UAP1: variants seen among roughly 807,000 people sequenced by gnomAD.
The protein encoded by UAP1 is UDP-N-acetylglucosamine pyrophosphorylase 1.
Under a neutral mutation model 58.5 loss-of-function variants are expected in UAP1, and 25 were observed. The observed-to-expected ratio is 0.43, with a 90% CI of 0.31 to 0.60. UAP1 has a LOEUF of 0.60. Among genes scored for constraint, UAP1 ranks in the 20% least tolerant of loss-of-function variants. The pLI is 0.11. For missense variants in UAP1, 575 were observed against 630.0 expected, an observed-to-expected ratio of 0.91 and a Z score of 0.93; for synonymous variants, 208 against 213.0, an observed-to-expected ratio of 0.98 and a Z score of 0.21.
At chr1:162,599,619 C>G (rs926238272) in exon 11 of UAP1, 6 of 298,860 alleles carry the variant, frequency 2.0e-5, no homozygotes, top group Non-Finnish European at 3.7e-5. Flanking sequence ...CATTGGCCAT[C>G]CAGGAAATTT....
At chr1:162,579,824 G>C (rs1249739686) in intron 4 of UAP1, among the ~76,000 whole-genome samples, 1 of 152,016 alleles carries the variant, frequency 6.6e-6, no homozygotes, top group East Asian at 1.9e-4. Context: ...AATTTGAGGA[G>C]CATTCAGGGT....
chr1:162,577,434 CCTTTTTTTT>C (rs1654263600), intron 3 of UAP1, among the ~76,000 whole-genome samples: 1 of 138,150 alleles, frequency 7.2e-6, no homozygotes, highest in African/African-American at 2.9e-5. Context: ...TAGTTCCTTC[CCTTTTTTTT>C]TTTTTTTTTT....
At chr1:162,572,856 TTATAA>T (rs993666376) in intron 2 of UAP1, among the ~76,000 whole-genome samples, 3 of 152,186 alleles carry the variant, frequency 2.0e-5, no homozygotes, top group Non-Finnish European at 2.9e-5. Context: ...ACATATATAA[TTATAA>T]TATAGCATTT....
chr1:162,598,867 T>G (rs1378505081), intron 10 of UAP1, among the ~76,000 whole-genome samples: 1 of 152,022 alleles, frequency 6.6e-6, no homozygotes, highest in Non-Finnish European at 1.5e-5. Flanking sequence ...ATACAAAAAC[T>G]TAGACGGGTG....
chr1:162,590,111 G>A (rs1471471885), intron 7 of UAP1, among the ~76,000 whole-genome samples: 1 of 148,778 alleles, frequency 6.7e-6, no homozygotes, highest in African/African-American at 2.5e-5. Flanking sequence ...AAGATGAACT[G>A]TTCTATAGTT....
intron 4 of UAP1, 61 bp from the exon 5 acceptor site, chr1:162,581,226 T>C: frequency 6.6e-7 from 1 of 1,510,626 alleles, no homozygotes; most frequent in Non-Finnish European, 8.9e-7. Context: ...TTGGAAACAA[T>C]CTTTGTGTTA....
At chr1:162,579,215 T>A (rs554168221) in intron 3 of UAP1, among the ~76,000 whole-genome samples, 3 of 152,248 alleles carry the variant, frequency 2.0e-5, no homozygotes, top group Non-Finnish European at 4.4e-5. Flanking sequence ...GTAAGTAGAT[T>A]TATTTCATAC....
At chr1:162,563,351 G>C (rs963103521) in intron 1 of UAP1, among the ~76,000 whole-genome samples, 1 of 151,890 alleles carries the variant, frequency 6.6e-6, no homozygotes, top group Non-Finnish European at 1.5e-5. Flanking sequence ...TAACCTATGA[G>C]GTACCCTTTT....
At chr1:162,597,273 A>G (rs1157673974) in intron 9 of UAP1, 1 of 152,228 alleles carries the variant, frequency 6.6e-6, no homozygotes, top group Admixed American at 6.5e-5. Context: ...TGAATTTTAA[A>G]TTTTAAATTA....
rs542020648 is a variant in UAP1, at chr1:162,583,301, C to T, written c.834+1842C>T. On this transcript the variant is annotated intron_variant, in intron 5 of 10. Coordinates refer to ENST00000271469, the Ensembl canonical transcript of UAP1. ...CTGAGTAGCTGGGATTATAGGCACC[C>T]ACCACCAGGCCCAGATAATTTTTTT... is the stretch of plus-strand genomic sequence containing the variant. Among the ~76,000 whole-genome samples, 121 of 151,832 alleles carry T rather than the reference C, an allele frequency of 8.0e-4. 1 individual carries two copies. The highest frequency in any genetic ancestry group is 2.8e-3 in the African/African-American group (117 of 41,416).
chr1:162,577,442 T>TC (rs1654268604), intron 3 of UAP1, among the ~76,000 whole-genome samples: 1 of 119,028 alleles, frequency 8.4e-6, no homozygotes, highest in African/African-American at 3.6e-5. Flanking sequence ...TCCCTTTTTT[T>TC]TTTTTTTTTT....
In UAP1 at chr1:162,598,317, G is replaced by A. The variant is rs137949264; in HGVS notation, c.1476+459G>A. ...AGAGAAGATGCAGCATTTTCTGATGGTCCTGCCCTGAGGAGCTCTTCCTGG... is the reference window on the plus strand; with the variant it reads ...AGAGAAGATGCAGCATTTTCTGATGATCCTGCCCTGAGGAGCTCTTCCTGG... On this transcript the variant is annotated intron_variant, in intron 10 of 10. Transcript: ENST00000271469. 5.5e-4 allele frequency among the ~76,000 whole-genome samples: 84 copies of A among 152,268 alleles called. 1 individual carries two copies. Among genetic ancestry groups the A allele is most frequent in the African/African-American group, 1.9e-3 (78 of 41,554 alleles).
chr1:162,585,007 A>C (rs180684443), intron 5 of UAP1, among the ~76,000 whole-genome samples: 1 of 152,054 alleles, frequency 6.6e-6, no homozygotes, highest in East Asian at 1.9e-4. Context: ...ACCTCTGCCT[A>C]CTGGGTTCAA....
chr1:162,587,612 T>C, exon 6 of UAP1: 6 of 1,614,140 alleles, frequency 3.7e-6, no homozygotes, highest in African/African-American at 1.3e-5. Flanking sequence ...TGCTGTTCAA[T>C]GCGGGGAACA....
At chr1:162,564,251 A>G (rs147727281) in intron 1 of UAP1, among the ~76,000 whole-genome samples, 1 of 152,278 alleles carries the variant, frequency 6.6e-6, no homozygotes, top group Non-Finnish European at 1.5e-5. Context: ...TCTAGACCTG[A>G]GCTTGTAAAT....
At chr1:162,579,034 A>C (rs1243278482) in intron 3 of UAP1, among the ~76,000 whole-genome samples, 1 of 152,200 alleles carries the variant, frequency 6.6e-6, no homozygotes, top group Non-Finnish European at 1.5e-5. Context: ...TCAGATTTCA[A>C]TAAAAAGAAC....
intron 7 of UAP1, 132 bp from the exon 8 acceptor site, chr1:162,590,191 C>A: frequency 1.5e-6 from 1 of 673,330 alleles, no homozygotes; most frequent in Non-Finnish European, 2.4e-6. Flanking sequence ...CAAGGGTGAG[C>A]AATATTTTAT....
intron 5 of UAP1, among the ~76,000 whole-genome samples, chr1:162,582,563 A>G (rs992708924): frequency 2.6e-5 from 4 of 152,250 alleles, no homozygotes; most frequent in African/African-American, 9.6e-5. Context: ...CTCTCTGTCA[A>G]AGCTCATACA....
At chr1:162,590,707 AG>A (rs1655249840) in intron 8 of UAP1, among the ~76,000 whole-genome samples, 196 bp downstream of exon 8, 1 of 152,166 alleles carries the variant, frequency 6.6e-6, no homozygotes, top group Admixed American at 6.6e-5. Context: ...TCTTGTGAAG[AG>A]GAGTCTTTCA....
Sources: gnomAD v4.1 joint callset for allele counts (sites outside exome capture counted in the v4.1 genomes callset) on GRCh38, gnomAD v4.1.1 for gene constraint, MANE v1.5 for transcripts, NCBI Gene and HGNC (gene_info 2026-07-23, HGNC 2026-07-21) for gene names.